ITPR3: variants seen among roughly 807,000 people sequenced by gnomAD.
The protein encoded by ITPR3 is inositol 1,4,5-trisphosphate receptor type 3.
A neutral mutation model predicts 293.2 loss-of-function variants in ITPR3; 173 were observed. That is an observed-to-expected ratio of 0.59 (90% confidence interval 0.52 to 0.67). The LOEUF (loss-of-function observed/expected upper bound fraction) is 0.67, where lower values mean the gene tolerates loss of function less well. ITPR3 is among the 30% of genes least tolerant of loss of function. ITPR3 has a pLI of 0.00. For synonymous variants in ITPR3, 1,295 were observed against 1,444.4 expected, an observed-to-expected ratio of 0.90 and a Z score of 2.35; for missense variants, 2,796 against 3,592.1, an observed-to-expected ratio of 0.78 and a Z score of 5.66.
rs1483372060 is a variant in ITPR3 at position 33,665,214 on chromosome 6, G to A, written c.1409+1G>A. 1.9e-6 allele frequency: 3 copies of A among 1,612,226 alleles called. No homozygotes were observed. The highest frequency in any genetic ancestry group is 2.5e-6 in the Non-Finnish European group (3 of 1,178,686). On this transcript the variant is annotated splice_donor_variant, in intron 13 of 57. Transcript: ENST00000605930. LOFTEE classifies it high-confidence loss of function. ...GCTTCATCAGCCAGAATGACCGCAGGTGGGCTGCAGTGGCACAGGGGTTTT... is the reference window on the plus strand; with the variant it reads ...GCTTCATCAGCCAGAATGACCGCAGATGGGCTGCAGTGGCACAGGGGTTTT...
At chr6:33,631,391 G>A (rs1763675394) in intron 1 of ITPR3, among the ~76,000 whole-genome samples, 1 of 152,232 alleles carries the variant, frequency 6.6e-6, no homozygotes, top group African/African-American at 2.4e-5. Flanking sequence ...TGATTGACAA[G>A]GTGAAGCAAG....
intron 56 of ITPR3, 41 bp from the exon 57 acceptor site, chr6:33,694,883 C>T (rs769257776): frequency 1.2e-6 from 2 of 1,613,318 alleles, no homozygotes; most frequent in Admixed American, 3.3e-5. Context: ...CCTTTCTAGG[C>T]CGGGCCCACG....
chr6:33,643,891 G>A (rs898305031), intron 2 of ITPR3, among the ~76,000 whole-genome samples: 4 of 152,172 alleles, frequency 2.6e-5, no homozygotes, highest in African/African-American at 9.7e-5. Context: ...AAGTCTACAC[G>A]ATAGTAAAGA....
chr6:33,623,326 G>GTTT (rs60711686), intron 1 of ITPR3, among the ~76,000 whole-genome samples: 8 of 137,428 alleles, frequency 5.8e-5, no homozygotes, highest in Non-Finnish European at 7.6e-5. Context: ...TGTGAGTTTT[G>GTTT]TTTTTTTTTT....
At chr6:33,686,572 CATGT>C (rs911516927) in intron 43 of ITPR3, 53 bp downstream of exon 43, 70 of 1,346,178 alleles carry the variant, frequency 5.2e-5, no homozygotes, top group African/African-American at 7.2e-5. Flanking sequence ...GATGTGCATG[CATGT>C]ATGTGTGACT....
Position 33,634,107 on chromosome 6 carries a change from G to A in ITPR3, c.90-6377G>A, listed in dbSNP as rs1233185351. Among the ~76,000 whole-genome samples, 7 of 152,244 alleles carry A rather than the reference G, an allele frequency of 4.6e-5. No homozygotes were observed. The East Asian group carries it at 5.8e-4, about 13-fold the overall frequency. ...GCGACGCTCCCTCCCGTCCCCTCCT[G>A]CTCCCCTGTCGCCAGAGATCACCTT... On this transcript the variant is annotated intron_variant, in intron 1 of 57. Transcript: ENST00000605930.
chr6:33,634,406 A>G (rs1284972192), intron 1 of ITPR3, among the ~76,000 whole-genome samples: 1 of 152,084 alleles, frequency 6.6e-6, no homozygotes, highest in East Asian at 1.9e-4. Context: ...AAAATGCCCA[A>G]GGTCCCATCT....
intron 51 of ITPR3, 126 bp downstream of exon 51, chr6:33,690,324 G>A (rs1765356829): frequency 2.0e-6 from 2 of 1,015,814 alleles, no homozygotes; most frequent in Non-Finnish European, 2.8e-6. Context: ...GCTGGGAGCA[G>A]TGAAATTACA....
Position 33,687,687 on chromosome 6 carries a change from G to A in ITPR3, c.6264+123G>A, listed in dbSNP as rs1234335475. On this transcript the variant is annotated intron_variant, in intron 46 of 57. Coordinates refer to ENST00000605930, the MANE Select transcript of ITPR3 (RefSeq NM_002224.4). The surrounding 1 kb of genome is among the most constrained non-coding windows in gnomAD (Gnocchi z 5.3). ...AATATGAGCCAGGCTAGAATTTGGG[G>A]GTACAGCTCAGGGGGCTGATTGGGA... 10 of 801,690 alleles carry A rather than the reference G, an allele frequency of 1.2e-5. No homozygotes were observed. The highest frequency in any genetic ancestry group is 1.8e-5 in the Non-Finnish European group (9 of 495,918). 49.7% of individuals were successfully genotyped at this position (801,690 alleles called of 1,614,324 possible). A position where few individuals can be genotyped will look rare whatever the true frequency, so the allele number is the denominator to read the frequency against.
At position 33,688,178 on chromosome 6, in the gene ITPR3, G is replaced by A. The variant is rs375770393; in HGVS notation, c.6375+11G>A. ...ACGTCCCAGATCGAGGTGGGCCTGT[G>A]GGCAGCAGGGGCGGGCGTGGGAGCC... is the stretch of plus-strand genomic sequence containing the variant. On this transcript the variant is annotated intron_variant, in intron 47 of 57. Coordinates refer to ENST00000605930, the MANE Select transcript of ITPR3 (RefSeq NM_002224.4). 8 of 1,613,880 alleles carry A rather than the reference G, an allele frequency of 5.0e-6. No homozygotes were observed. Among genetic ancestry groups the A allele is most frequent in the Non-Finnish European group, 6.8e-6 (8 of 1,179,962 alleles).
chr6:33,662,957 GC>G lies in ITPR3; in HGVS notation c.906del (p.Leu303CysfsTer206), dbSNP rs1764512363. On this transcript the variant is annotated frameshift_variant, in exon 9 of 58. Transcript: ENST00000605930. LOFTEE classifies it high-confidence loss of function. The part of the protein sequence containing the change: ...PCRGGAGHWN[G>X]LYRFKHLATG... ...CGTGGAGGAGCTGGGCACTGGAATG[GC>G]TTGTACCGCTTCAAGCACCTGGCTA... 6.2e-7 allele frequency: 1 copy of G among 1,604,684 alleles called. No individual in the cohort carries two copies.
At chr6:33,681,103 A>G (rs921848883) in intron 33 of ITPR3, among the ~76,000 whole-genome samples, 11 of 152,142 alleles carry the variant, frequency 7.2e-5, no homozygotes, top group Admixed American at 2.6e-4. Flanking sequence ...ACAGGTGTGA[A>G]CCACCGCGCC....
chr6:33,662,006 A>AAAAAAAAAAAAAAAAAAT (rs1764483916), intron 7 of ITPR3, among the ~76,000 whole-genome samples: 1 of 150,110 alleles, frequency 6.7e-6, no homozygotes, highest in African/African-American at 2.4e-5. Flanking sequence ...AAAAAAAAAA[A>AAAAAAAAAAAAAAAAAAT]AAAAAAAAAA....
intron 2 of ITPR3, among the ~76,000 whole-genome samples, chr6:33,642,740 C>G (rs1763978941): frequency 6.6e-6 from 1 of 152,160 alleles, no homozygotes. Flanking sequence ...AGGCCCACCC[C>G]AGGATACCTG....
intron 49 of ITPR3, 133 bp downstream of exon 49, chr6:33,688,914 A>G: frequency 8.1e-7 from 1 of 1,230,104 alleles, no homozygotes; most frequent in African/African-American, 1.5e-5. Flanking sequence ...CCCCTGCGCC[A>G]TCCTGTGGGC....
chr6:33,677,097 G>A lies in ITPR3; in HGVS notation c.3522+8G>A, dbSNP rs142859113. 6.2e-7 allele frequency: 1 copy of A among 1,613,402 alleles called. No homozygotes were observed. The highest frequency in any genetic ancestry group is 1.3e-5 in the African/African-American group (1 of 75,036). ...TACCAGATCGTCAAGGGCGTGAGTG[G>A]CCAAGGGTCCTCGGGGTAGGGATCT... is the stretch of plus-strand genomic sequence containing the variant. On this transcript the variant is annotated splice_region_variant and intron_variant, in intron 27 of 57. Coordinates refer to ENST00000605930, the MANE Select transcript of ITPR3 (RefSeq NM_002224.4).
At chr6:33,660,350 C>A (rs568297122) in intron 7 of ITPR3, among the ~76,000 whole-genome samples, 1 of 152,088 alleles carries the variant, frequency 6.6e-6, no homozygotes, top group South Asian at 2.1e-4. Flanking sequence ...AGGTGCTCCT[C>A]CCTGCTCGGA....
chr6:33,638,488 C>G lies in ITPR3; in HGVS notation c.90-1996C>G, dbSNP rs910531137. ...AAAAGTCACCTCATTAACATAAAAC[C>G]AGGTGTGGTTGAAAGAGGCTTGGAA... On this transcript the variant is annotated intron_variant, in intron 1 of 57. Transcript: ENST00000605930. The surrounding 1 kb of genome is among the most constrained non-coding windows in gnomAD (Gnocchi z 4.3). 2.6e-5 allele frequency among the ~76,000 whole-genome samples: 4 copies of G among 152,160 alleles called. No homozygotes were observed. Among genetic ancestry groups the G allele is most frequent in the African/African-American group, 7.2e-5 (3 of 41,434 alleles).
chr6:33,686,950 G>C, intron 43 of ITPR3, 59 bp from the exon 44 acceptor site: 1 of 1,356,036 alleles, frequency 7.4e-7, no homozygotes, highest in South Asian at 1.2e-5. Context: ...TGAGGGAGAA[G>C]TTGTCAGGGG....
Sources: allele counts gnomAD v4.1 joint callset (sites outside exome capture counted in the v4.1 genomes callset), GRCh38; gene constraint gnomAD v4.1.1; non-coding constraint Gnocchi (gnomAD v3.1); transcripts MANE v1.5; gene names NCBI Gene and HGNC (gene_info 2026-07-23, HGNC 2026-07-21).